The following LHPP variants were observed in gnomAD, a reference collection of about 807,000 sequenced individuals.
LHPP encodes the protein hLHPP.
LHPP carries 24 observed loss-of-function variants against 30.3 expected under a neutral mutation model. The ratio of observed to expected loss-of-function variants is 0.79; its 90% CI spans 0.57 to 1.11. The LOEUF (loss-of-function observed/expected upper bound fraction) is 1.11, where lower values mean the gene tolerates loss of function less well. LHPP is among the 50% of genes most tolerant of loss of function. The probability of loss-of-function intolerance (pLI) is 0.00; values close to 1 mark genes in which losing one functional copy is unlikely to be tolerated. For synonymous variants in LHPP, 150 were observed against 157.1 expected, an observed-to-expected ratio of 0.95 and a Z score of 0.34; for missense variants, 356 against 367.2, an observed-to-expected ratio of 0.97 and a Z score of 0.25.
At chr10:124,497,083 T>TG (rs1387673225) in intron 4 of LHPP, 59 bp downstream of exon 4, 14 of 1,396,432 alleles carry the variant, frequency 1.0e-5, no homozygotes, top group African/African-American at 2.9e-5. Flanking sequence ...TGGGACTTTT[T>TG]GGGTCTTTGT....
At chr10:124,548,227 A>G (rs1759662141) in intron 6 of LHPP, among the ~76,000 whole-genome samples, 1 of 139,096 alleles carries the variant, frequency 7.2e-6, no homozygotes, top group South Asian at 2.4e-4. Flanking sequence ...GTGATGGTAA[A>G]ATGAGTGGGG....
chr10:124,467,795 A>G (rs990759053), intron 1 of LHPP, among the ~76,000 whole-genome samples: 4 of 152,024 alleles, frequency 2.6e-5, no homozygotes, highest in Admixed American at 2.0e-4. Flanking sequence ...GGCTCACTGC[A>G]GCCTCCGCCT....
chr10:124,563,454 C>T (rs755924202), intron 6 of LHPP, among the ~76,000 whole-genome samples: 1 of 151,954 alleles, frequency 6.6e-6, no homozygotes, highest in African/African-American at 2.4e-5. Context: ...TATAGAACAT[C>T]CTCAAAATGA....
rs544856674 is a variant in LHPP at position 124,478,037 on chromosome 10, G to C, written c.126-6102G>C. Among the ~76,000 whole-genome samples, 1 of 152,176 alleles carries C rather than the reference G, an allele frequency of 6.6e-6. No individual in the cohort carries two copies. The highest frequency in any genetic ancestry group is 1.5e-5 in the Non-Finnish European group (1 of 68,034). On this transcript the variant is annotated intron_variant, in intron 1 of 6. Transcript: ENST00000368842. This position sits in a 1 kb window ranked among gnomAD's most constrained non-coding sequence, Gnocchi z 4.7. ...TGGTCCTGCGCCAGGGTGCCCCCAG[G>C]TGCTGATCTTGGCTCCACTGTGGTT...
intron 6 of LHPP, among the ~76,000 whole-genome samples, chr10:124,528,608 C>T (rs1056873662): frequency 6.6e-6 from 1 of 152,094 alleles, no homozygotes; most frequent in South Asian, 2.1e-4. Flanking sequence ...ATCTGCCCAC[C>T]TCAGCCTCCT....
At chr10:124,535,167 G>T (rs903752168) in intron 6 of LHPP, among the ~76,000 whole-genome samples, 8 of 152,184 alleles carry the variant, frequency 5.3e-5, no homozygotes, top group Admixed American at 5.2e-4. Context: ...ACAGATGCAG[G>T]ACCCACTCCA....
At chr10:124,474,562 C>T (rs1001839436) in intron 1 of LHPP, among the ~76,000 whole-genome samples, 1 of 152,198 alleles carries the variant, frequency 6.6e-6, no homozygotes, top group Non-Finnish European at 1.5e-5. Flanking sequence ...AAAGGATTCT[C>T]ATCCCAGTTC....
At chr10:124,513,324 T>C (rs1954357940) in intron 5 of LHPP, among the ~76,000 whole-genome samples, 1 of 152,014 alleles carries the variant, frequency 6.6e-6, no homozygotes, top group Non-Finnish European at 1.5e-5. Context: ...CCTCCCACAG[T>C]GCTGGAATTA....
chr10:124,587,324 C>T lies in LHPP; in HGVS notation c.717-25940C>T, dbSNP rs148356982. Among the ~76,000 whole-genome samples the T allele has an allele frequency of 7.9e-5, 12 of 152,088 alleles. No homozygotes were observed. In the East Asian group the frequency reaches 1.4e-3, roughly 17 times the overall value. On this transcript the variant is annotated intron_variant, in intron 6 of 6. Transcript: ENST00000368842. The stretch of plus-strand genomic sequence containing the variant: ...TGCTGGGATTGCAAGCATAAGCCAC[C>T]GCGCCCGGCCTCCACTTTCTGTGGT...
At chr10:124,467,816 A>G (rs1952601275) in intron 1 of LHPP, among the ~76,000 whole-genome samples, 1 of 152,054 alleles carries the variant, frequency 6.6e-6, no homozygotes, top group African/African-American at 2.4e-5. Context: ...CCTGGGTTCA[A>G]GGGATTCTCC....
At chr10:124,558,223 C>A (rs1341492292) in intron 6 of LHPP, among the ~76,000 whole-genome samples, 1 of 152,160 alleles carries the variant, frequency 6.6e-6, no homozygotes, top group Non-Finnish European at 1.5e-5. Flanking sequence ...GGCTTGGGAG[C>A]AGCTGGAAAG....
chr10:124,563,210 T>A (rs1024835230), intron 6 of LHPP, among the ~76,000 whole-genome samples: 1 of 151,914 alleles, frequency 6.6e-6, no homozygotes, highest in African/African-American at 2.4e-5. Context: ...AGCCCCAAAC[T>A]AGAAGCAATC....
At position 124,501,580 on chromosome 10, in the gene LHPP, C is replaced by T. The variant is rs191081753; in HGVS notation, c.624+3452C>T. Among the ~76,000 whole-genome samples, 26 of 136,676 alleles carry T rather than the reference C, an allele frequency of 1.9e-4. No individual in the cohort carries two copies. In the East Asian group the frequency reaches 4.6e-3, roughly 24 times the overall value. 89.7% of individuals were successfully genotyped at this position (136,676 alleles called of 152,430 possible). On this transcript the variant is annotated intron_variant, in intron 5 of 6. Transcript: ENST00000368842. ...TCGTGCAACTGTGCTCCAGCCTGGG[C>T]GACAGAGCCAGACTCTGTCTTAAAA...
intron 5 of LHPP, among the ~76,000 whole-genome samples, chr10:124,502,668 T>A: frequency 1.7e-5 from 1 of 59,504 alleles, no homozygotes; most frequent in Admixed American, 1.7e-4. Context: ...ACGCCCAGCC[T>A]TTTTTTTTTT....
chr10:124,531,619 G>A (rs1362678485), intron 6 of LHPP, among the ~76,000 whole-genome samples: 1 of 152,196 alleles, frequency 6.6e-6, no homozygotes, highest in South Asian at 2.1e-4. Context: ...CATTTTGTGT[G>A]GTGTTTTCTC....
intron 1 of LHPP, among the ~76,000 whole-genome samples, chr10:124,468,800 G>T (rs1324368049): frequency 6.6e-6 from 1 of 152,194 alleles, no homozygotes; most frequent in African/African-American, 2.4e-5. Context: ...TGCCTCTGGG[G>T]CCAGATCATC....
chr10:124,487,287 C>G (rs1953360801), intron 2 of LHPP, among the ~76,000 whole-genome samples: 1 of 152,012 alleles, frequency 6.6e-6, no homozygotes, highest in African/African-American at 2.4e-5. Flanking sequence ...TCTGCCAGAC[C>G]TTTTTTTCAG....
intron 6 of LHPP, among the ~76,000 whole-genome samples, chr10:124,607,025 C>A (rs1198861572): frequency 6.6e-6 from 1 of 152,206 alleles, no homozygotes; most frequent in East Asian, 1.9e-4. Context: ...TCCCTGCCCT[C>A]CCTCCCTCCG....
At chr10:124,471,239 C>T (rs982216147) in intron 1 of LHPP, among the ~76,000 whole-genome samples, 1 of 151,006 alleles carries the variant, frequency 6.6e-6, no homozygotes, top group Non-Finnish European at 1.5e-5. Context: ...AATGCCACCG[C>T]CCCACCATTG....
Sources: allele counts gnomAD v4.1 joint callset (sites outside exome capture counted in the v4.1 genomes callset), GRCh38; gene constraint gnomAD v4.1.1; non-coding constraint Gnocchi (gnomAD v3.1); transcripts MANE v1.5; gene names NCBI Gene and HGNC (gene_info 2026-07-23, HGNC 2026-07-21).